CFAP263: variants seen among roughly 807,000 people sequenced by gnomAD.
CFAP263 encodes cilia and flagella associated protein 263, also known as cilia- and flagella-associated protein 263.
At chr16:58,253,079 T>C in the CFAP263 span, among the ~76,000 whole-genome samples, 2 of 152,198 alleles carry the variant, frequency 1.3e-5, no homozygotes, top group African/African-American at 2.4e-5. Context: ...TATCTTAGTT[T>C]ACTTGAAAGA....
At chr16:58,268,971 G>A in the CFAP263 span, among the ~76,000 whole-genome samples, 2 of 152,112 alleles carry the variant, frequency 1.3e-5, no homozygotes, top group Admixed American at 6.5e-5. Context: ...ACAGAGTTGT[G>A]TAACCATCAA....
At chr16:58,272,207 G>A in the CFAP263 span, among the ~76,000 whole-genome samples, 13 of 152,002 alleles carry the variant, frequency 8.6e-5, no homozygotes, top group Admixed American at 5.9e-4. Flanking sequence ...TAGTAGAGAC[G>A]GGGTTTCACC....
the CFAP263 span, among the ~76,000 whole-genome samples, chr16:58,276,204 G>A: frequency 9.3e-4 from 142 of 152,248 alleles, 1 homozygote; most frequent in African/African-American, 3.3e-3. Flanking sequence ...TACCTCACTC[G>A]TAATACAAGG....
At chr16:58,273,917 C>T in the CFAP263 span, among the ~76,000 whole-genome samples, 2 of 152,170 alleles carry the variant, frequency 1.3e-5, no homozygotes, top group East Asian at 1.9e-4. Flanking sequence ...AATGTTTCTC[C>T]TCACATGGTA....
At chr16:58,263,993 C>T in the CFAP263 span, among the ~76,000 whole-genome samples, 1 of 152,146 alleles carries the variant, frequency 6.6e-6, no homozygotes, top group Admixed American at 6.6e-5. Flanking sequence ...AAAAAAAGAG[C>T]TGGGACTCCC....
the CFAP263 span, chr16:58,262,429 G>T: frequency 6.2e-7 from 1 of 1,613,222 alleles, no homozygotes; most frequent in Non-Finnish European, 8.5e-7. Context: ...ATTTTCAGCA[G>T]TTGAAGATAG....
chr16:58,261,003 C>T, the CFAP263 span, among the ~76,000 whole-genome samples: 1 of 152,114 alleles, frequency 6.6e-6, no homozygotes, highest in African/African-American at 2.4e-5. Flanking sequence ...AGTGCCCAGA[C>T]CAAGGAAGGG....
At chr16:58,260,416 A>C in the CFAP263 span, among the ~76,000 whole-genome samples, 3 of 152,220 alleles carry the variant, frequency 2.0e-5, no homozygotes, top group Non-Finnish European at 4.4e-5. Flanking sequence ...ATTTGCATTA[A>C]AACCACGAGG....
the CFAP263 span, among the ~76,000 whole-genome samples, chr16:58,278,084 GT>G: frequency 3.3e-5 from 5 of 152,060 alleles, no homozygotes; most frequent in African/African-American, 1.2e-4. Context: ...TAAATTTTAT[GT>G]TATATATATA....
the CFAP263 span, chr16:58,250,141 GC>G: frequency 6.9e-7 from 1 of 1,447,594 alleles, no homozygotes. Context: ...CCTGGGGGCC[GC>G]CCCTCTTCCT....
chr16:58,252,703 T>G, the CFAP263 span: 1 of 1,608,976 alleles, frequency 6.2e-7, no homozygotes, highest in South Asian at 1.1e-5. Flanking sequence ...TTACTAGAAC[T>G]TACTCAGGTA....
chr16:58,251,732 G>A, the CFAP263 span, among the ~76,000 whole-genome samples: 1 of 152,172 alleles, frequency 6.6e-6, no homozygotes, highest in Non-Finnish European at 1.5e-5. Context: ...ATTATTAAAA[G>A]TAATAGCAAA....
the CFAP263 span, among the ~76,000 whole-genome samples, chr16:58,255,314 C>T: frequency 1.3e-5 from 2 of 152,186 alleles, no homozygotes; most frequent in African/African-American, 2.4e-5. Flanking sequence ...ACTCAGTACA[C>T]AAGCTTCTTC....
the CFAP263 span, chr16:58,280,511 A>G: frequency 1.9e-6 from 3 of 1,614,110 alleles, no homozygotes. Flanking sequence ...GAATCAGAAT[A>G]TGTCTTCTGT....
the CFAP263 span, chr16:58,262,421 T>G: frequency 1.9e-5 from 31 of 1,612,852 alleles, no homozygotes; most frequent in Non-Finnish European, 2.6e-5. Context: ...CGATGTTGAT[T>G]TTCAGCAGTT....
At chr16:58,259,712 A>G in the CFAP263 span, 1 of 538,614 alleles carries the variant, frequency 1.9e-6, no homozygotes, top group Non-Finnish European at 3.3e-6. Flanking sequence ...CAGCTTGAGT[A>G]GAAGTAAAAG....
At chr16:58,269,446 A>G in the CFAP263 span, among the ~76,000 whole-genome samples, 2 of 151,770 alleles carry the variant, frequency 1.3e-5, no homozygotes, top group Admixed American at 1.3e-4. Flanking sequence ...GAAAGGAAGG[A>G]AGGAAAGAAA....
At chr16:58,279,807 T>C in the CFAP263 span, 8 of 1,517,610 alleles carry the variant, frequency 5.3e-6, no homozygotes, top group Non-Finnish European at 7.3e-6. Context: ...TACAGACCAC[T>C]ACATGACCTA....
chr16:58,253,900 G>T, the CFAP263 span: 1 of 1,310,094 alleles, frequency 7.6e-7, no homozygotes, highest in South Asian at 1.3e-5. Context: ...TCACTCTGGG[G>T]AACTTCTAGC....
Sources: gnomAD v4.1 joint callset for allele counts (sites outside exome capture counted in the v4.1 genomes callset) on GRCh38, gnomAD v4.1.1 for gene constraint, MANE v1.5 for transcripts, NCBI Gene and HGNC (gene_info 2026-07-23, HGNC 2026-07-21) for gene names.